VWA5B2: variants seen among roughly 807,000 people sequenced by gnomAD.
VWA5B2 encodes von Willebrand factor A domain-containing protein 5B2.
Under a neutral mutation model 118.5 loss-of-function variants are expected in VWA5B2, and 93 were observed. That is an observed-to-expected ratio of 0.79 (90% CI 0.66 to 0.93). VWA5B2 has a LOEUF of 0.93. VWA5B2 is among the 40% of genes least tolerant of loss of function. The probability of loss-of-function intolerance (pLI) is 0.00; values close to 1 mark genes in which losing one functional copy is unlikely to be tolerated. For missense variants in VWA5B2, 1,546 were observed against 1,672.8 expected, an observed-to-expected ratio of 0.92 and a Z score of 1.32; for synonymous variants, 708 against 716.3, an observed-to-expected ratio of 0.99 and a Z score of 0.19.
At position 184,237,716 on chromosome 3, in the gene VWA5B2, T is replaced by A. The variant is rs1718148884; in HGVS notation, c.1719+305T>A. Among the ~76,000 whole-genome samples the A allele has an allele frequency of 6.6e-6, 1 of 152,208 alleles. No homozygotes were observed. Among genetic ancestry groups the A allele is most frequent in the Admixed American group, 6.5e-5 (1 of 15,278 alleles). ...ACCTGCATTTGCTATGAGGTTTCCG[T>A]CAAGGCTTGCTCATGGCTTCACATA... is the stretch of plus-strand genomic sequence containing the variant. On this transcript the variant is annotated intron_variant, in intron 12 of 19. Coordinates refer to ENST00000691901, the MANE Select transcript of VWA5B2 (RefSeq NM_001390846.1). This position sits in a 1 kb window ranked among gnomAD's most constrained non-coding sequence, Gnocchi z 5.6.
Position 184,238,465 on chromosome 3 carries a change from T to C in VWA5B2, c.1882T>C (p.Ser628Pro). ...GTCCAGCCCATGGGCTGCCAGGGAC[T>C]CGGAGCAGAGTGAGTGCCCAGGTGT... ...ELSSPWAARD[S>P]EQSTDALTDP... Residue 628 changes from serine (S) to proline (P), a missense_variant, in exon 13 of 20, where the codon TCG (serine) becomes CCG (proline). Around this residue, in one of 3 missense-constraint regions of VWA5B2, gnomAD observed 775 missense variants for 882.3 expected, o/e 0.88. Transcript: ENST00000691901. This position sits in a 1 kb window ranked among gnomAD's most constrained non-coding sequence, Gnocchi z 5.0. 1 of 1,545,922 alleles carries C rather than the reference T, an allele frequency of 6.5e-7. No homozygotes were observed.
intron 17 of VWA5B2, 43 bp from the exon 18 acceptor site, chr3:184,240,981 C>G (rs1191122289): frequency 1.4e-5 from 22 of 1,551,402 alleles, no homozygotes; most frequent in Non-Finnish European, 1.8e-5. Flanking sequence ...TCACTGGCCA[C>G]TCTCCTGGAC....
chr3:184,239,995 A>G lies in VWA5B2; in HGVS notation c.2699A>G (p.Gln900Arg). 1 of 1,549,748 alleles carries G rather than the reference A, an allele frequency of 6.5e-7. No homozygotes were observed. The highest frequency in any genetic ancestry group is 1.2e-5 in the South Asian group (1 of 84,012). Reference sequence around the variant, plus strand: ...GCCTCTGTGGTCCGGGACAATGAGCAGCTGGCCCTCCGAGGAGGGGCAGAG... The same window carrying G: ...GCCTCTGTGGTCCGGGACAATGAGCGGCTGGCCCTCCGAGGAGGGGCAGAG... ...TAASVVRDNE[Q>R]LALRGGAETT... Residue 900 changes from glutamine (Q) to arginine (R), a missense_variant, in exon 16 of 20, where the codon CAG becomes CGG. Gln to Arg is a conservative substitution (Grantham distance 43). Coordinates refer to ENST00000691901, the MANE Select transcript of VWA5B2 (RefSeq NM_001390846.1). This position sits in a 1 kb window ranked among gnomAD's most constrained non-coding sequence, Gnocchi z 5.1.
chr3:184,234,630 G>A lies in VWA5B2; in HGVS notation c.821-1G>A. The A allele has an allele frequency of 6.4e-7, 1 of 1,551,222 alleles. No homozygotes were observed. Among genetic ancestry groups the A allele is most frequent in the East Asian group, 2.4e-5 (1 of 40,918 alleles). On this transcript the variant is annotated splice_acceptor_variant, in intron 6 of 19. Transcript: ENST00000691901. LOFTEE classifies it high-confidence loss of function. ...GACAGAATTGTGTCCTCTCCTCTCA[G>A]AGCCCCATCAGCCACACCTGATGCT...
At chr3:184,232,874 GC>G (rs1717537288) in intron 3 of VWA5B2, 4 of 444,840 alleles carry the variant, frequency 9.0e-6, no homozygotes, top group South Asian at 3.3e-5. Context: ...GGGGAGAGGG[GC>G]AGAGGGTGTG....
chr3:184,230,285 C>G, intron 1 of VWA5B2, 95 bp from the exon 2 acceptor site: 1 of 439,940 alleles, frequency 2.3e-6, no homozygotes, highest in Non-Finnish European at 4.0e-6. Context: ...ATCATTAACC[C>G]TCCGCGGCCC....
At chr3:184,231,676 G>A (rs573515310) in intron 3 of VWA5B2, among the ~76,000 whole-genome samples, 1 of 152,348 alleles carries the variant, frequency 6.6e-6, no homozygotes, top group South Asian at 2.1e-4. Context: ...GCACTATGAG[G>A]CCCAGCGAGT....
At position 184,230,672 on chromosome 3, in the gene VWA5B2, G is replaced by A; in HGVS notation, c.139+5G>A. 2.4e-6 allele frequency: 3 copies of A among 1,257,166 alleles called. No homozygotes were observed. Among genetic ancestry groups the A allele is most frequent in the Non-Finnish European group, 3.0e-6 (3 of 1,004,252 alleles). The allele number at this position is 1,257,166 out of a possible 1,614,324, so 77.9% of individuals were successfully genotyped here. A position where few individuals can be genotyped will look rare whatever the true frequency, so the allele number is the denominator to read the frequency against. On this transcript the variant is annotated splice_donor_5th_base_variant and intron_variant, in intron 2 of 19. Transcript: ENST00000691901. ...CGCAGCCGCAGCCGGTGGACGGTGA[G>A]GCCCGGGTGGGGCGCGGGCGCGGCG...
rs1214215405 is a variant in VWA5B2, at chr3:184,239,087, C to G, written c.2202+214C>G. ...GGTGACTAATTCTGCCTGAGAGAGTCAGGAAAGTCAGAGCCATATCTGGAA... is the reference window on the plus strand; with the variant it reads ...GGTGACTAATTCTGCCTGAGAGAGTGAGGAAAGTCAGAGCCATATCTGGAA... On this transcript the variant is annotated intron_variant, in intron 14 of 19. Coordinates refer to ENST00000691901, the MANE Select transcript of VWA5B2 (RefSeq NM_001390846.1). The surrounding 1 kb of genome is among the most constrained non-coding windows in gnomAD (Gnocchi z 5.1). 6.6e-6 allele frequency among the ~76,000 whole-genome samples: 1 copy of G among 152,152 alleles called. No individual in the cohort carries two copies. The highest frequency in any genetic ancestry group is 1.5e-5 in the Non-Finnish European group (1 of 68,036).
rs780722871 is a variant in VWA5B2 at position 184,237,324 on chromosome 3, G to C, written c.1632G>C (p.Arg544=). 27 of 1,551,276 alleles carry C rather than the reference G, an allele frequency of 1.7e-5. No homozygotes were observed. In the African/African-American group the frequency reaches 3.7e-4, roughly 21 times the overall value. The part of the protein sequence containing the change: ...PDTVEALLTP[R]EIPALYPGDQ... ...CTGTGGAGGCACTGCTGACCCCCCG[G>C]GAGATCCCAGCACTCTACCCTGGGG... is the stretch of plus-strand genomic sequence containing the variant. The change falls in exon 12 of 20, where the codon CGG becomes CGC. Residue 544 remains arginine, a synonymous_variant. Transcript: ENST00000691901. The surrounding 1 kb of genome is among the most constrained non-coding windows in gnomAD (Gnocchi z 5.6).
chr3:184,234,344 T>A lies in VWA5B2; in HGVS notation c.767T>A (p.Leu256Gln), dbSNP rs1458805994. The A allele has an allele frequency of 6.4e-7, 1 of 1,551,594 alleles. No homozygotes were observed. Among genetic ancestry groups the A allele is most frequent in the South Asian group, 1.2e-5 (1 of 84,062 alleles). The change falls in exon 6 of 20, where the codon CTG (leucine) becomes CAG (glutamine). Residue 256 changes from leucine (L) to glutamine (Q), a missense_variant. By Grantham distance (113) the Leu-to-Gln change is moderately radical. Coordinates refer to ENST00000691901, the MANE Select transcript of VWA5B2 (RefSeq NM_001390846.1). ...TCTGCAGCCACCATCTGTGTCACACTGGCAGAGGGCCACCACTGTGACCGG... is the reference window on the plus strand; with the variant it reads ...TCTGCAGCCACCATCTGTGTCACACAGGCAGAGGGCCACCACTGTGACCGG... ...ASSAATICVTLAEGHHCDRAL... is the reference protein window; with the variant it reads ...ASSAATICVTQAEGHHCDRAL...
chr3:184,230,794 G>A lies in VWA5B2; in HGVS notation c.187G>A (p.Glu63Lys). Residue 63 changes from glutamate (E) to lysine (K), a missense_variant, in exon 3 of 20, where the codon GAG becomes AAG. Physicochemically the swap from Glu to Lys is moderately conservative, Grantham distance 56. Around this residue, in one of 3 missense-constraint regions of VWA5B2, gnomAD observed 775 missense variants for 882.3 expected, o/e 0.88. Transcript: ENST00000691901. ...CGAGGCCGAGGTGGTGTCCGGCTTC[G>A]AGGCCGAGGCCGCCGGACGGCGCGT... is the stretch of plus-strand genomic sequence containing the variant. ...LAEAEVVSGF[E>K]AEAAGRRVSF... is the part of the protein sequence containing the mutation. 2 of 1,245,006 alleles carry A rather than the reference G, an allele frequency of 1.6e-6. No individual in the cohort carries two copies. The highest frequency in any genetic ancestry group is 1.0e-6 in the Non-Finnish European group (1 of 995,360). 77.1% of individuals were successfully genotyped at this position (1,245,006 alleles called of 1,614,324 possible).
rs919993490 is a variant in VWA5B2 at position 184,237,436 on chromosome 3, G to A, written c.1719+25G>A. ...GGTAAGCTTGGGCTGGGGTGTGGTAGGGGGGCTAGGGTGAGGTAGGGGGGC... is the reference window on the plus strand; with the variant it reads ...GGTAAGCTTGGGCTGGGGTGTGGTAAGGGGGCTAGGGTGAGGTAGGGGGGC... On this transcript the variant is annotated intron_variant, in intron 12 of 19. Transcript: ENST00000691901. The surrounding 1 kb of genome is among the most constrained non-coding windows in gnomAD (Gnocchi z 5.6). The A allele has an allele frequency of 5.2e-6, 8 of 1,534,250 alleles. No homozygotes were observed. Among genetic ancestry groups the A allele is most frequent in the Middle Eastern group, 1.7e-4 (1 of 5,782 alleles).
In VWA5B2 at chr3:184,238,443, C is replaced by T. The variant is rs1309560776; in HGVS notation, c.1860C>T (p.Ser620=). The T allele has an allele frequency of 1.9e-6, 3 of 1,549,108 alleles. No individual in the cohort carries two copies. Among genetic ancestry groups the T allele is most frequent in the Non-Finnish European group, 1.7e-6 (2 of 1,145,440 alleles). Residue 620 remains serine, a synonymous_variant, in exon 13 of 20, where the codon TCC becomes TCT. Coordinates refer to ENST00000691901, the MANE Select transcript of VWA5B2 (RefSeq NM_001390846.1). This position sits in a 1 kb window ranked among gnomAD's most constrained non-coding sequence, Gnocchi z 5.0. ...CAGGCACTGTCTCAGCAGAACTGTCCAGCCCATGGGCTGCCAGGGACTCGG... is the reference window on the plus strand; with the variant it reads ...CAGGCACTGTCTCAGCAGAACTGTCTAGCCCATGGGCTGCCAGGGACTCGG... ...LGTGTVSAEL[S]SPWAARDSEQ... is the part of the protein sequence containing the mutation.
In VWA5B2 at chr3:184,239,705, A is replaced by T. The variant is rs1443734356; in HGVS notation, c.2409A>T (p.Pro803=). ...GLDDSGNLLS[P]APMDWDMLME... ...CCTCCCCAGGAAACCTGCTCTCCCC[A>T]GCCCCTATGGACTGGGACATGCTGA... is the stretch of plus-strand genomic sequence containing the variant. Residue 803 remains proline, a synonymous_variant, in exon 16 of 20, where the codon CCA becomes CCT. Coordinates refer to ENST00000691901, the MANE Select transcript of VWA5B2 (RefSeq NM_001390846.1). This position sits in a 1 kb window ranked among gnomAD's most constrained non-coding sequence, Gnocchi z 5.1. 2.0e-6 allele frequency: 3 copies of T among 1,479,292 alleles called. No homozygotes were observed. The highest frequency in any genetic ancestry group is 2.7e-6 in the Non-Finnish European group (3 of 1,108,128). 91.6% of individuals were successfully genotyped at this position (1,479,292 alleles called of 1,614,324 possible).
rs1189790344 is a variant in VWA5B2, at chr3:184,239,642, G to T, written c.2393-47G>T. 6.8e-7 allele frequency: 1 copy of T among 1,472,470 alleles called. No individual in the cohort carries two copies. The highest frequency in any genetic ancestry group is 1.4e-5 in the African/African-American group (1 of 70,902). 91.2% of individuals were successfully genotyped at this position (1,472,470 alleles called of 1,614,324 possible). A position where few individuals can be genotyped will look rare whatever the true frequency, so the allele number is the denominator to read the frequency against. On this transcript the variant is annotated intron_variant, in intron 15 of 19. Coordinates refer to ENST00000691901, the MANE Select transcript of VWA5B2 (RefSeq NM_001390846.1). This position sits in a 1 kb window ranked among gnomAD's most constrained non-coding sequence, Gnocchi z 5.1. ...ACCAAAGAGGCCTTGGGGAGGTAAAGCCCAGAGGACCACTCTGCCCATGCC... is the reference window on the plus strand; with the variant it reads ...ACCAAAGAGGCCTTGGGGAGGTAAATCCCAGAGGACCACTCTGCCCATGCC...
Position 184,239,668 on chromosome 3 carries a change from CCTG to C in VWA5B2, c.2393-17_2393-15del. 4 of 1,467,496 alleles carry C rather than the reference CCTG, an allele frequency of 2.7e-6. No homozygotes were observed. Among genetic ancestry groups the C allele is most frequent in the Non-Finnish European group, 3.6e-6 (4 of 1,103,078 alleles). 90.9% of individuals were successfully genotyped at this position (1,467,496 alleles called of 1,614,324 possible). A position where few individuals can be genotyped will look rare whatever the true frequency, so the allele number is the denominator to read the frequency against. On this transcript the variant is annotated intron_variant, in intron 15 of 19. Transcript: ENST00000691901. The surrounding 1 kb of genome is among the most constrained non-coding windows in gnomAD (Gnocchi z 5.1). The stretch of plus-strand genomic sequence containing the variant: ...CCCAGAGGACCACTCTGCCCATGCC[CCTG>C]CTGTCTTGCCTCCCCAGGAAACCTG...
In VWA5B2 at chr3:184,237,504, C is replaced by T; in HGVS notation, c.1719+93C>T. The stretch of plus-strand genomic sequence containing the variant: ...CCCGCATCTCTTCCAAACCCTTTTT[C>T]CATTCTCTGTGCCTCTCTCTACCAA... On this transcript the variant is annotated intron_variant, in intron 12 of 19. Coordinates refer to ENST00000691901, the MANE Select transcript of VWA5B2 (RefSeq NM_001390846.1). The surrounding 1 kb of genome is among the most constrained non-coding windows in gnomAD (Gnocchi z 5.6). 2 of 1,321,092 alleles carry T rather than the reference C, an allele frequency of 1.5e-6. No individual in the cohort carries two copies. Among genetic ancestry groups the T allele is most frequent in the Non-Finnish European group, 2.1e-6 (2 of 972,240 alleles). The allele number at this position is 1,321,092 out of a possible 1,614,324, so 81.8% of individuals were successfully genotyped here. A position where few individuals can be genotyped will look rare whatever the true frequency, so the allele number is the denominator to read the frequency against.
Position 184,234,484 on chromosome 3 carries a change from C to T in VWA5B2, c.820+87C>T, listed in dbSNP as rs79176288. The T allele has an allele frequency of 1.5e-3, 2,282 of 1,536,904 alleles. 29 individuals are homozygous for T. The African/African-American group carries it at 0.028, about 19-fold the overall frequency. On this transcript the variant is annotated intron_variant, in intron 6 of 19. Coordinates refer to ENST00000691901, the MANE Select transcript of VWA5B2 (RefSeq NM_001390846.1). ...ATTTCTTAAGTGCAGGTTTCTGGGCCCCAGCCAGATGGACTGAGTCATCTG... is the reference window on the plus strand; with the variant it reads ...ATTTCTTAAGTGCAGGTTTCTGGGCTCCAGCCAGATGGACTGAGTCATCTG...
Sources: allele counts gnomAD v4.1 joint callset (sites outside exome capture counted in the v4.1 genomes callset), GRCh38; gene constraint gnomAD v4.1.1; regional missense constraint gnomAD v4.1.1; non-coding constraint Gnocchi (gnomAD v3.1); transcripts MANE v1.5; gene names NCBI Gene and HGNC (gene_info 2026-07-23, HGNC 2026-07-21).